The following FLI1 variants were observed in gnomAD, a reference collection of about 807,000 sequenced individuals.
FLI1 encodes the protein Fli-1 proto-oncogene, ETS transcription factor.
A neutral mutation model predicts 53.1 loss-of-function variants in FLI1; 13 were observed. That is an observed-to-expected ratio of 0.24 (90% confidence interval 0.16 to 0.39). The LOEUF is 0.39. Among genes scored for constraint, FLI1 ranks in the 10% least tolerant of loss-of-function variants. The probability of loss-of-function intolerance (pLI) is 1.00; values close to 1 mark genes in which losing one functional copy is unlikely to be tolerated. For missense variants in FLI1, 424 were observed against 600.5 expected (o/e 0.71, Z 3.07); for synonymous variants, 244 against 236.7 (o/e 1.03, Z -0.28).
intron 1 of FLI1, among the ~76,000 whole-genome samples, chr11:128,725,384 C>T (rs1467792331): frequency 1.3e-5 from 2 of 152,200 alleles, no homozygotes; most frequent in African/African-American, 2.4e-5. Context: ...GGCGGCCGGC[C>T]GGTCCACTTC....
chr11:128,807,489 A>G (rs1275026693), intron 7 of FLI1, among the ~76,000 whole-genome samples: 1 of 152,244 alleles, frequency 6.6e-6, no homozygotes, highest in Non-Finnish European at 1.5e-5. Flanking sequence ...TTTGTTCAAT[A>G]AAGAAACTGA....
chr11:128,698,159 G>GAAAC lies in FLI1; in HGVS notation c.18+3885_18+3888dup, dbSNP rs552911972. ...GGCAGGTTGTCACTGGCAGGGCAGGGAAACATCTGGACAAGGTTTGGAAGA... is the reference window on the plus strand; with the variant it reads ...GGCAGGTTGTCACTGGCAGGGCAGGGAAACAAACATCTGGACAAGGTTTGGAAGA... On this transcript the variant is annotated intron_variant, in intron 1 of 8. Coordinates refer to ENST00000527786, the MANE Select transcript of FLI1 (RefSeq NM_002017.5). Among the ~76,000 whole-genome samples the GAAAC allele has an allele frequency of 3.0e-4, 46 of 152,330 alleles. No individual in the cohort carries two copies. The East Asian group carries it at 8.7e-3, about 29-fold the overall frequency.
At chr11:128,801,661 G>C (rs1942641531) in intron 5 of FLI1, among the ~76,000 whole-genome samples, 1 of 152,250 alleles carries the variant, frequency 6.6e-6, no homozygotes, top group African/African-American at 2.4e-5. Flanking sequence ...TCGTGAAGAA[G>C]TCAGGGTAGG....
intron 1 of FLI1, among the ~76,000 whole-genome samples, chr11:128,745,740 C>T (rs1565478822): frequency 6.6e-6 from 1 of 152,330 alleles, no homozygotes; most frequent in Admixed American, 6.5e-5. Flanking sequence ...CAAAGCGTCC[C>T]GGCTTGTGTG....
rs187940250 is a variant in FLI1, at chr11:128,788,288, G to A, written c.655+6265G>A. On this transcript the variant is annotated intron_variant, in intron 5 of 8. Coordinates refer to ENST00000527786, the MANE Select transcript of FLI1 (RefSeq NM_002017.5). ...AGTTCAAGACCAGCTTGGCCAACATGGTGAAACCCCGTCTCTACTAAAAAT... is the reference window on the plus strand; with the variant it reads ...AGTTCAAGACCAGCTTGGCCAACATAGTGAAACCCCGTCTCTACTAAAAAT... 8.1e-3 allele frequency among the ~76,000 whole-genome samples: 1,230 copies of A among 151,926 alleles called. 12 individuals carry two copies. The highest frequency in any genetic ancestry group is 0.012 in the Non-Finnish European group (828 of 67,966).
intron 1 of FLI1, among the ~76,000 whole-genome samples, chr11:128,746,163 G>C (rs574068996): frequency 6.6e-6 from 1 of 152,188 alleles, no homozygotes; most frequent in Non-Finnish European, 1.5e-5. Flanking sequence ...ATTTCCCATC[G>C]GGCGCTGAGG....
intron 1 of FLI1, among the ~76,000 whole-genome samples, chr11:128,706,498 C>A (rs1183544758): frequency 6.6e-6 from 1 of 152,112 alleles, no homozygotes; most frequent in South Asian, 2.1e-4. Flanking sequence ...TAGCCCCCTC[C>A]CCAGTAGTCT....
intron 1 of FLI1, among the ~76,000 whole-genome samples, chr11:128,737,852 T>C (rs1206350625): frequency 6.6e-6 from 1 of 152,202 alleles, no homozygotes; most frequent in Non-Finnish European, 1.5e-5. Flanking sequence ...ATATATAACA[T>C]CAAGGGCTTG....
At chr11:128,689,201 T>C (rs559738210), upstream of FLI1, among the ~76,000 whole-genome samples, 1 of 152,306 alleles carries the variant, frequency 6.6e-6, no homozygotes, top group East Asian at 1.9e-4. Flanking sequence ...AAACTGGAAC[T>C]TCCGCTCCTG....
rs1203844362 is a variant in FLI1, at chr11:128,812,189, G to A, written c.*1201G>A. The A allele has an allele frequency of 4.6e-6, 1 of 217,816 alleles. No individual in the cohort carries two copies. Among genetic ancestry groups the A allele is most frequent in the Non-Finnish European group, 9.2e-6 (1 of 108,218 alleles). The allele number at this position is 217,816 out of a possible 1,614,324, so 13.5% of individuals were successfully genotyped here. A position where few individuals can be genotyped will look rare whatever the true frequency, so the allele number is the denominator to read the frequency against. ...GATCTTTAATGCTTTGGAAATGCGT[G>A]TAACAGTACTGCAATAATCACAGCT... On this transcript the variant is annotated 3_prime_UTR_variant, in exon 9 of 9. Transcript: ENST00000527786.
chr11:128,696,602 A>T (rs1231123643), intron 1 of FLI1, among the ~76,000 whole-genome samples: 1 of 152,242 alleles, frequency 6.6e-6, no homozygotes, highest in African/African-American at 2.4e-5. Context: ...AAATGTGCTC[A>T]TATGTGTTTA....
At chr11:128,808,452 C>A (rs1197922550) in intron 7 of FLI1, among the ~76,000 whole-genome samples, 1 of 152,110 alleles carries the variant, frequency 6.6e-6, no homozygotes, top group African/African-American at 2.4e-5. Context: ...GCTAAATAAA[C>A]ACATACGTTT....
At chr11:128,787,869 T>G (rs757764889) in intron 5 of FLI1, among the ~76,000 whole-genome samples, 1 of 148,748 alleles carries the variant, frequency 6.7e-6, no homozygotes, top group Non-Finnish European at 1.5e-5. Flanking sequence ...TGCGGTGGCG[T>G]GATCTCGGCT....
At chr11:128,687,604 A>G (rs1035657111) in intron 1 of FLI1, among the ~76,000 whole-genome samples, 2 of 150,888 alleles carry the variant, frequency 1.3e-5, no homozygotes, top group Admixed American at 1.3e-4. Flanking sequence ...AGTGCTCCCC[A>G]GACCGGTCAG....
Position 128,811,540 on chromosome 11 carries a change from G to T in FLI1, c.*552G>T. 4.3e-6 allele frequency: 1 copy of T among 230,184 alleles called. No homozygotes were observed. Among genetic ancestry groups the T allele is most frequent in the Non-Finnish European group, 8.5e-6 (1 of 116,976 alleles). The allele number at this position is 230,184 out of a possible 1,614,324, so 14.3% of individuals were successfully genotyped here. A position where few individuals can be genotyped will look rare whatever the true frequency, so the allele number is the denominator to read the frequency against. On this transcript the variant is annotated 3_prime_UTR_variant, in exon 9 of 9. Coordinates refer to ENST00000527786, the MANE Select transcript of FLI1 (RefSeq NM_002017.5). Reference sequence around the variant, plus strand: ...CTGGAATTTGATGGAAAGAAGGTTTGTGTGTTTAAGACGCCAAGGGCATTG... The same window carrying T: ...CTGGAATTTGATGGAAAGAAGGTTTTTGTGTTTAAGACGCCAAGGGCATTG...
chr11:128,779,883 G>A (rs575412729), intron 4 of FLI1, among the ~76,000 whole-genome samples: 12 of 152,374 alleles, frequency 7.9e-5, no homozygotes, highest in African/African-American at 2.9e-4. Flanking sequence ...CACTGAGGCT[G>A]TATGCTACAG....
At chr11:128,693,966 G>C (rs1457899077), upstream of FLI1, 7 of 351,492 alleles carry the variant, frequency 2.0e-5, no homozygotes, top group Non-Finnish European at 3.1e-5. Flanking sequence ...GAGAGAGAGA[G>C]AGAGAGAGAG....
upstream of FLI1, among the ~76,000 whole-genome samples, chr11:128,690,487 C>G (rs1163852481): frequency 6.6e-6 from 1 of 152,194 alleles, no homozygotes; most frequent in Non-Finnish European, 1.5e-5. Flanking sequence ...CCGGGAAGCC[C>G]GTGTCTGGAA....
intron 1 of FLI1, among the ~76,000 whole-genome samples, chr11:128,721,431 A>AGAT (rs1939246365): frequency 6.6e-6 from 1 of 152,224 alleles, no homozygotes; most frequent in Non-Finnish European, 1.5e-5. Context: ...ATTGCAGGGG[A>AGAT]GATGCCTGTC....
Sources: gnomAD v4.1 joint callset for allele counts (sites outside exome capture counted in the v4.1 genomes callset) on GRCh38, gnomAD v4.1.1 for gene constraint, MANE v1.5 for transcripts, NCBI Gene and HGNC (gene_info 2026-07-23, HGNC 2026-07-21) for gene names.